FREM1: variants seen among roughly 807,000 people sequenced by gnomAD.
FREM1 encodes FRAS1-related extracellular matrix protein 1.
A neutral mutation model predicts 210.1 loss-of-function variants in FREM1; 220 were observed. The ratio of observed to expected loss-of-function variants is 1.05; its 90% CI spans 0.94 to 1.17. FREM1 has a LOEUF of 1.17. Among genes scored for constraint, FREM1 ranks in the 50% most tolerant of loss-of-function variants. The pLI, the probability that FREM1 is intolerant of heterozygous loss-of-function variation, is 0.00. For missense variants in FREM1, 3,454 were observed against 2,675.5 expected (o/e 1.29, Z -6.42); for synonymous variants, 1,189 against 980.2 (o/e 1.21, Z -3.98).
chr9:14,841,317 A>G (rs760883892), intron 10 of FREM1, 130 bp downstream of exon 10: 39 of 712,750 alleles, frequency 5.5e-5, no homozygotes, highest in Non-Finnish European at 7.1e-5. Context: ...AATCTGCTTA[A>G]TTTTGTTTAA....
chr9:14,808,376 A>G (rs1818757239), intron 16 of FREM1, among the ~76,000 whole-genome samples: 1 of 152,204 alleles, frequency 6.6e-6, no homozygotes, highest in Non-Finnish European at 1.5e-5. Flanking sequence ...CATGATAAGG[A>G]GGGACAAAAC....
In FREM1 at chr9:14,841,424, A is replaced by C. The variant is rs750225015; in HGVS notation, c.1881+23T>G. The C allele has an allele frequency of 1.0e-5, 16 of 1,555,720 alleles. No individual in the cohort carries two copies. In the Admixed American group the frequency reaches 1.6e-4, roughly 15 times the overall value. On this transcript the variant is annotated intron_variant, in intron 10 of 36. Transcript: ENST00000380880. ...ACACCTGTGCACAAGACTTTGGGAA[A>C]GTGTTCAGAAACAGTCTCTTACCTG...
chr9:14,875,592 G>C (rs939194798), intron 1 of FREM1, among the ~76,000 whole-genome samples: 2 of 152,148 alleles, frequency 1.3e-5, no homozygotes. Context: ...TTTTTTTAAA[G>C]TTTTTAACTT....
Position 14,747,411 on chromosome 9 carries a change from G to C in FREM1, c.5862C>G (p.Ser1954=), listed in dbSNP as rs1441830616. Residue 1954 remains serine (S), a synonymous_variant, in exon 33 of 37, where the codon TCC becomes TCG. Transcript: ENST00000380880. ...DIIYNYHGIV[S]LKLEDDSFPT... Reference sequence around the variant, plus strand: ...GGAAACTGTCATCCTCCAGTTTCAAGGAAACTATCCCATGATACTTGAGGA... The same window carrying C: ...GGAAACTGTCATCCTCCAGTTTCAACGAAACTATCCCATGATACTTGAGGA... The C allele has an allele frequency of 6.2e-7, 1 of 1,613,212 alleles. No homozygotes were observed. Among genetic ancestry groups the C allele is most frequent in the Non-Finnish European group, 8.5e-7 (1 of 1,179,576 alleles).
intron 27 of FREM1, among the ~76,000 whole-genome samples, chr9:14,760,990 G>A (rs545921549): frequency 3.3e-5 from 5 of 152,072 alleles, no homozygotes; most frequent in Admixed American, 6.5e-5. Context: ...ATCCTTAGTG[G>A]TTGCCTTACT....
chr9:14,815,806 C>T (rs1238838279), intron 15 of FREM1, among the ~76,000 whole-genome samples: 1 of 152,110 alleles, frequency 6.6e-6, no homozygotes, highest in Non-Finnish European at 1.5e-5. Flanking sequence ...AGCCACTATG[C>T]CCAGATAATT....
chr9:14,875,463 G>A (rs1034480952), intron 1 of FREM1, among the ~76,000 whole-genome samples: 27 of 151,992 alleles, frequency 1.8e-4, no homozygotes, highest in Non-Finnish European at 2.4e-4. Flanking sequence ...CCAGTTGATC[G>A]CATCGGCTCC....
intron 13 of FREM1, among the ~76,000 whole-genome samples, chr9:14,821,362 T>C (rs903387146): frequency 5.3e-5 from 8 of 152,246 alleles, no homozygotes; most frequent in African/African-American, 1.7e-4. Flanking sequence ...AATTAACTTT[T>C]TTCCTTTACA....
At chr9:14,830,196 C>G (rs1320833701) in intron 10 of FREM1, among the ~76,000 whole-genome samples, 1 of 152,114 alleles carries the variant, frequency 6.6e-6, no homozygotes, top group Non-Finnish European at 1.5e-5. Flanking sequence ...GATTAAGAAC[C>G]CATTCCCACA....
Position 14,761,660 on chromosome 9 carries a change from ACAT to A in FREM1, c.5205-1762_5205-1760del, listed in dbSNP as rs1007431941. 2.0e-5 allele frequency among the ~76,000 whole-genome samples: 3 copies of A among 152,196 alleles called. No individual in the cohort carries two copies. In the East Asian group the frequency reaches 5.8e-4, roughly 29 times the overall value. ...GAAACAAATAATTCATAACTTTTAA[ACAT>A]CATGCTGTTCTGAGTAGTGTGATGA... On this transcript the variant is annotated intron_variant, in intron 27 of 36. Coordinates refer to ENST00000380880, the MANE Select transcript of FREM1 (RefSeq NM_001379081.2).
chr9:14,784,748 A>G (rs1850151397), intron 23 of FREM1, 114 bp from the exon 24 acceptor site: 2 of 652,250 alleles, frequency 3.1e-6, no homozygotes, highest in Non-Finnish European at 4.7e-6. Context: ...AATACGACAT[A>G]GAAAGGTTTA....
chr9:14,745,911 C>T (rs1160053896), intron 35 of FREM1, among the ~76,000 whole-genome samples: 3 of 151,998 alleles, frequency 2.0e-5, no homozygotes, highest in East Asian at 1.9e-4. Context: ...GCTAGAGGCC[C>T]GACGTTATAA....
intron 22 of FREM1, among the ~76,000 whole-genome samples, chr9:14,790,244 C>T (rs1383559691): frequency 6.6e-6 from 1 of 152,062 alleles, no homozygotes; most frequent in Non-Finnish European, 1.5e-5. Context: ...GGCAAAAGAG[C>T]TTTGTCCTCC....
Position 14,789,028 on chromosome 9 carries a change from G to A in FREM1, c.4068C>T (p.Thr1356=), listed in dbSNP as rs1316144391. 2.7e-5 allele frequency: 43 copies of A among 1,611,020 alleles called. No homozygotes were observed. The highest frequency in any genetic ancestry group is 1.7e-4 in the Admixed American group (10 of 59,658). The change falls in exon 23 of 37, where the codon ACC becomes ACT. Residue 1356 remains threonine (T), a synonymous_variant. Transcript: ENST00000380880. ...VDLNLLRYTH[T]GAMDSQNQDS... ...CTTGATTCTGGGAATCCATTGCCCC[G>A]GTGTGTGTGTATCTCAGCAAGTTCA...
chr9:14,831,006 C>G (rs191565233), intron 10 of FREM1, among the ~76,000 whole-genome samples: 2 of 152,316 alleles, frequency 1.3e-5, no homozygotes, highest in East Asian at 1.9e-4. Context: ...ACTCAAGTCA[C>G]GGATATAAGG....
intron 36 of FREM1, among the ~76,000 whole-genome samples, chr9:14,739,655 T>C (rs555406352): frequency 5.3e-5 from 8 of 151,102 alleles, no homozygotes; most frequent in Non-Finnish European, 1.2e-4. Flanking sequence ...CCCTGCATTT[T>C]CACTTTGCAC....
chr9:14,779,933 G>A (rs1029000261), intron 24 of FREM1, among the ~76,000 whole-genome samples: 4 of 152,144 alleles, frequency 2.6e-5, no homozygotes, highest in Non-Finnish European at 4.4e-5. Flanking sequence ...CACAGGCAGA[G>A]AGACATCATC....
At chr9:14,739,453 T>TATATATATATATATATATATAATTC (rs1841046186) in intron 36 of FREM1, among the ~76,000 whole-genome samples, 4 of 16,298 alleles carry the variant, frequency 2.5e-4, no homozygotes, top group Non-Finnish European at 4.9e-4. Context: ...ATTTGGAATA[T>TATATATATATATATATATATAATTC]ATATATATAT....
chr9:14,889,763 C>T (rs1187584430), intron 1 of FREM1, among the ~76,000 whole-genome samples: 1 of 152,004 alleles, frequency 6.6e-6, no homozygotes, highest in Non-Finnish European at 1.5e-5. Context: ...TTGTCCGGGG[C>T]CTTGTAAATT....
Sources: gnomAD v4.1 joint callset for allele counts (sites outside exome capture counted in the v4.1 genomes callset) on GRCh38, gnomAD v4.1.1 for gene constraint, MANE v1.5 for transcripts, NCBI Gene and HGNC (gene_info 2026-07-23, HGNC 2026-07-21) for gene names.